NRG3: variants seen among roughly 807,000 people sequenced by gnomAD.
NRG3 encodes pro-neuregulin-3, membrane-bound isoform.
NRG3 carries 31 observed loss-of-function variants against 66.9 expected under a neutral mutation model. The ratio of observed to expected loss-of-function variants is 0.46; its 90% CI spans 0.35 to 0.63. NRG3 has a LOEUF of 0.63. NRG3 is among the 20% of genes least tolerant of loss of function. The pLI is 0.00. For missense variants in NRG3, 910 were observed against 878.9 expected, an observed-to-expected ratio of 1.04 and a Z score of -0.45; for synonymous variants, 393 against 359.4, an observed-to-expected ratio of 1.09 and a Z score of -1.06.
intron 1 of NRG3, among the ~76,000 whole-genome samples, chr10:82,088,999 T>G (rs1432176929): frequency 6.6e-6 from 1 of 152,020 alleles, no homozygotes; most frequent in East Asian, 1.9e-4. Context: ...AAGATTTTTT[T>G]TTTTGTAAAG....
At chr10:81,979,559 G>C (rs2060257549) in intron 1 of NRG3, among the ~76,000 whole-genome samples, 2 of 152,110 alleles carry the variant, frequency 1.3e-5, no homozygotes. Flanking sequence ...CTTTTGTTTA[G>C]ATTGTTGGTT....
intron 3 of NRG3, among the ~76,000 whole-genome samples, chr10:82,813,280 C>CT (rs1450415757): frequency 7.9e-6 from 1 of 126,796 alleles, no homozygotes; most frequent in East Asian, 2.6e-4. Context: ...GTGGCAAAAT[C>CT]TTAGCTCACT....
intron 1 of NRG3, among the ~76,000 whole-genome samples, chr10:82,263,908 G>T (rs1314065455): frequency 6.6e-6 from 1 of 152,180 alleles, no homozygotes; most frequent in Non-Finnish European, 1.5e-5. Context: ...TTAAAGTTAG[G>T]ATATACTGAT....
intron 1 of NRG3, among the ~76,000 whole-genome samples, chr10:82,163,627 T>TGAAGG (rs1377487778): frequency 6.6e-6 from 1 of 152,026 alleles, no homozygotes; most frequent in Non-Finnish European, 1.5e-5. Context: ...GCAAGAGAGT[T>TGAAGG]CTGGTTTAGA....
intron 1 of NRG3, among the ~76,000 whole-genome samples, chr10:82,355,037 CAG>C (rs2083687095): frequency 6.6e-6 from 1 of 152,136 alleles, no homozygotes; most frequent in African/African-American, 2.4e-5. Context: ...TTCCTAGAAA[CAG>C]AAGTTTGATT....
intron 2 of NRG3, among the ~76,000 whole-genome samples, chr10:82,502,734 A>G (rs944977040): frequency 2.0e-5 from 3 of 152,130 alleles, no homozygotes; most frequent in Non-Finnish European, 4.4e-5. Context: ...CTTAAATCAC[A>G]CTAGTATGGA....
At chr10:82,622,831 C>T (rs779100460) in intron 2 of NRG3, among the ~76,000 whole-genome samples, 1 of 152,124 alleles carries the variant, frequency 6.6e-6, no homozygotes, top group African/African-American at 2.4e-5. Flanking sequence ...AAACAAGCTT[C>T]GCATTAGATG....
At chr10:82,159,621 T>G (rs2071428077) in intron 1 of NRG3, among the ~76,000 whole-genome samples, 1 of 151,862 alleles carries the variant, frequency 6.6e-6, no homozygotes, top group African/African-American at 2.4e-5. Flanking sequence ...CTTCTCTTAT[T>G]AAGTAGAGAG....
Position 81,938,490 on chromosome 10 carries a change from T to C in NRG3, c.823+62327T>C, listed in dbSNP as rs543591882. Among the ~76,000 whole-genome samples, 4 of 152,006 alleles carry C rather than the reference T, an allele frequency of 2.6e-5. No homozygotes were observed. In the East Asian group the frequency reaches 7.8e-4, roughly 29 times the overall value. On this transcript the variant is annotated intron_variant, in intron 1 of 8. Coordinates refer to ENST00000372141, the MANE Select transcript of NRG3 (RefSeq NM_001010848.4). ...AAGTATTTTATTCTCCTTGATGATA[T>C]TGTAAATGGAATTGTTTTCTTAATT...
chr10:82,322,558 C>G (rs1004942857), intron 1 of NRG3, among the ~76,000 whole-genome samples: 8 of 150,594 alleles, frequency 5.3e-5, no homozygotes, highest in African/African-American at 2.0e-4. Context: ...TAAAATTTTG[C>G]TTTGCAGACA....
intron 2 of NRG3, among the ~76,000 whole-genome samples, chr10:82,619,208 G>T (rs773765297): frequency 1.3e-5 from 2 of 152,092 alleles, no homozygotes; most frequent in East Asian, 1.9e-4. Flanking sequence ...AAAAGAAAAT[G>T]CAGTGTAAAA....
intron 3 of NRG3, among the ~76,000 whole-genome samples, chr10:82,749,631 A>G (rs1037914904): frequency 6.6e-6 from 1 of 152,096 alleles, no homozygotes; most frequent in Non-Finnish European, 1.5e-5. Flanking sequence ...CCTCCTTCTG[A>G]GATTTATCCA....
chr10:82,029,051 A>G (rs2062447581), intron 1 of NRG3, among the ~76,000 whole-genome samples: 1 of 152,012 alleles, frequency 6.6e-6, no homozygotes, highest in Non-Finnish European at 1.5e-5. Flanking sequence ...TTTACTAAAA[A>G]TAGAAAAATT....
chr10:82,680,110 C>A (rs1439852179), intron 2 of NRG3, among the ~76,000 whole-genome samples: 1 of 152,126 alleles, frequency 6.6e-6, no homozygotes, highest in East Asian at 1.9e-4. Flanking sequence ...CTATTCTAAG[C>A]CCTTTACTTA....
intron 3 of NRG3, among the ~76,000 whole-genome samples, chr10:82,864,860 A>C (rs1840553919): frequency 2.6e-5 from 4 of 152,182 alleles, no homozygotes; most frequent in Admixed American, 2.6e-4. Context: ...AAGAGTTTTA[A>C]TCTCACTGAA....
At chr10:81,950,294 C>T (rs1030329509) in intron 1 of NRG3, among the ~76,000 whole-genome samples, 4 of 152,158 alleles carry the variant, frequency 2.6e-5, no homozygotes, top group African/African-American at 9.7e-5. Flanking sequence ...GGGGATATAG[C>T]TCACATAAAA....
chr10:82,308,352 G>A (rs1013468739), intron 1 of NRG3, among the ~76,000 whole-genome samples: 3 of 152,048 alleles, frequency 2.0e-5, no homozygotes, highest in Non-Finnish European at 2.9e-5. Flanking sequence ...ACCTCTCAAA[G>A]TGCTGGGATT....
Position 82,365,077 on chromosome 10 carries a change from G to A in NRG3, c.953+6209G>A, listed in dbSNP as rs1808073785. 2.0e-5 allele frequency among the ~76,000 whole-genome samples: 3 copies of A among 152,296 alleles called. No individual in the cohort carries two copies. The South Asian group carries it at 6.2e-4, about 32-fold the overall frequency. ...GTAACGACAATTCTACGATATAACA[G>A]GACCATCCCAGTTAGTGCTTTGCCC... On this transcript the variant is annotated intron_variant, in intron 2 of 8. Coordinates refer to ENST00000372141, the MANE Select transcript of NRG3 (RefSeq NM_001010848.4).
intron 2 of NRG3, among the ~76,000 whole-genome samples, chr10:82,471,269 G>A (rs1431854191): frequency 6.6e-6 from 1 of 152,046 alleles, no homozygotes; most frequent in Non-Finnish European, 1.5e-5. Context: ...AACTCGAGAG[G>A]CCAGGCGCCT....
Sources: gnomAD v4.1 joint callset for allele counts (sites outside exome capture counted in the v4.1 genomes callset) on GRCh38, gnomAD v4.1.1 for gene constraint, MANE v1.5 for transcripts, NCBI Gene and HGNC (gene_info 2026-07-23, HGNC 2026-07-21) for gene names.